PRKCQ: variants seen among roughly 807,000 people sequenced by gnomAD.
The protein encoded by PRKCQ is protein kinase C theta type.
A neutral mutation model predicts 91.2 loss-of-function variants in PRKCQ; 41 were observed. The ratio of observed to expected loss-of-function variants is 0.45; its 90% CI spans 0.35 to 0.58. The LOEUF (loss-of-function observed/expected upper bound fraction) is 0.58, where lower values mean the gene tolerates loss of function less well. Among genes scored for constraint, PRKCQ ranks in the 20% least tolerant of loss-of-function variants. PRKCQ has a pLI of 0.00. For missense variants in PRKCQ, 673 were observed against 896.5 expected (o/e 0.75, Z 3.18); for synonymous variants, 307 against 316.9 (o/e 0.97, Z 0.33).
chr10:6,413,284 C>T, the PRKCQ span, among the ~76,000 whole-genome samples: 2 of 150,150 alleles, frequency 1.3e-5, no homozygotes, highest in African/African-American at 4.9e-5. Flanking sequence ...TTTTCAACCA[C>T]TCTAAAAAAG....
the PRKCQ span, among the ~76,000 whole-genome samples, chr10:6,421,321 C>G: frequency 1.3e-5 from 2 of 152,192 alleles, no homozygotes; most frequent in Admixed American, 1.3e-4. The surrounding 1 kb of genome is among the most constrained non-coding windows in gnomAD (Gnocchi z 4.1). Flanking sequence ...CCTGTCTCTA[C>G]AAAAACTCAA....
At chr10:6,396,045 T>C in the PRKCQ span, among the ~76,000 whole-genome samples, 2 of 152,138 alleles carry the variant, frequency 1.3e-5, no homozygotes, top group South Asian at 4.1e-4. Context: ...TTAGTAGATA[T>C]TAAAACTTCC....
chr10:6,477,080 A>G (rs922463995), intron 12 of PRKCQ, among the ~76,000 whole-genome samples: 4 of 152,114 alleles, frequency 2.6e-5, no homozygotes, highest in African/African-American at 9.7e-5. Flanking sequence ...TAAATAGTTG[A>G]CCAGGACACC....
chr10:6,565,601 C>T (rs931189425), intron 1 of PRKCQ, among the ~76,000 whole-genome samples: 3 of 152,018 alleles, frequency 2.0e-5, no homozygotes, highest in Admixed American at 2.0e-4. Flanking sequence ...AACAAAAAGC[C>T]CTTTCTTCTT....
At position 6,456,712 on chromosome 10, in the gene PRKCQ, T is replaced by G. The variant is rs758601583; in HGVS notation, c.1609A>C (p.Asn537His). 6.2e-7 allele frequency: 1 copy of G among 1,614,180 alleles called. No homozygotes were observed. Among genetic ancestry groups the G allele is most frequent in the Non-Finnish European group, 8.5e-7 (1 of 1,180,016 alleles). ...TAGTCAGGTGTCCCACAGAAGGTAT[T>G]CGTCTTGGCATCTCCTAACATGTTC... The part of the protein sequence containing the change: ...KENMLGDAKT[N>H]TFCGTPDYIA... The change falls in exon 15 of 18, where the codon AAT (asparagine) becomes CAT (histidine). Residue 537 changes from asparagine (N) to histidine (H), a missense_variant. Physicochemically the swap from Asn to His is moderately conservative, Grantham distance 68. Coordinates refer to ENST00000263125, the MANE Select transcript of PRKCQ (RefSeq NM_006257.5).
At position 6,462,327 on chromosome 10, in the gene PRKCQ, A is replaced by G. The variant is rs1403981107; in HGVS notation, c.1484T>C (p.Leu495Pro). 9.3e-6 allele frequency: 15 copies of G among 1,613,874 alleles called. No homozygotes were observed. Among genetic ancestry groups the G allele is most frequent in the Non-Finnish European group, 1.3e-5 (15 of 1,179,914 alleles). Residue 495 changes from leucine (L) to proline (P), a missense_variant, in exon 14 of 18, where the codon CTT (leucine) becomes CCT (proline). Physicochemically the swap from Leu to Pro is moderately conservative, Grantham distance 98 (BLOSUM62 -3). Coordinates refer to ENST00000263125, the MANE Select transcript of PRKCQ (RefSeq NM_006257.5). ...AAEIILGLQF[L>P]HSKGIVYRDL... ...CCTGTAGACTATTCCTTTGGAATGA[A>G]GGAACTGCAGACCAAGAATGATTTC...
intron 1 of PRKCQ, among the ~76,000 whole-genome samples, chr10:6,536,534 A>C (rs563376506): frequency 2.8e-4 from 42 of 152,332 alleles, no homozygotes; most frequent in African/African-American, 9.6e-4. Flanking sequence ...CTGGAAGATA[A>C]AAAATTATTC....
intron 4 of PRKCQ, among the ~76,000 whole-genome samples, chr10:6,502,055 T>C (rs1223427339): frequency 6.6e-6 from 1 of 152,172 alleles, no homozygotes; most frequent in Non-Finnish European, 1.5e-5. Flanking sequence ...ATTCATTGTG[T>C]ACTTCCTGCA....
chr10:6,497,252 CT>C lies in PRKCQ; in HGVS notation c.543-2del. Reference sequence around the variant, plus strand: ...CTGGTAGCCCTGTTTGTTCAGGCCCCTGTAATAAAGCACACGCTGATTTATT... The same window carrying C: ...CTGGTAGCCCTGTTTGTTCAGGCCCCGTAATAAAGCACACGCTGATTTATT... On this transcript the variant is annotated splice_acceptor_variant, in intron 5 of 17. Transcript: ENST00000263125. LOFTEE classifies it high-confidence loss of function. The surrounding 1 kb of genome is among the most constrained non-coding windows in gnomAD (Gnocchi z 4.5). The C allele has an allele frequency of 1.9e-6, 3 of 1,614,126 alleles. No homozygotes were observed. Among genetic ancestry groups the C allele is most frequent in the Non-Finnish European group, 2.5e-6 (3 of 1,180,010 alleles).
intron 11 of PRKCQ, among the ~76,000 whole-genome samples, chr10:6,481,976 C>T (rs185000096): frequency 9.4e-4 from 142 of 151,212 alleles, no homozygotes; most frequent in African/African-American, 2.4e-3. Context: ...ATTATCTCTT[C>T]TTCCTTCTTC....
At chr10:6,397,204 C>A in the PRKCQ span, among the ~76,000 whole-genome samples, 1 of 152,080 alleles carries the variant, frequency 6.6e-6, no homozygotes, top group Non-Finnish European at 1.5e-5. Context: ...TCAAGTGATT[C>A]TCTTGCGTCA....
chr10:6,441,320 T>C (rs1833960620), intron 16 of PRKCQ, among the ~76,000 whole-genome samples: 1 of 152,206 alleles, frequency 6.6e-6, no homozygotes, highest in African/African-American at 2.4e-5. Context: ...TTTTGTATTT[T>C]CAGTAGAGAC....
At chr10:6,474,824 G>A (rs1274098896) in intron 12 of PRKCQ, among the ~76,000 whole-genome samples, 2 of 152,050 alleles carry the variant, frequency 1.3e-5, no homozygotes, top group Admixed American at 6.6e-5. Context: ...TTTTTAAAAT[G>A]TAAGTAATGG....
intron 1 of PRKCQ, among the ~76,000 whole-genome samples, chr10:6,556,108 T>C (rs972505752): frequency 6.6e-6 from 1 of 152,098 alleles, no homozygotes; most frequent in African/African-American, 2.4e-5. Context: ...AACTTATTCC[T>C]TTTTCTTATC....
chr10:6,498,407 G>C lies in PRKCQ; in HGVS notation c.531C>G (p.His177Gln). 6.2e-7 allele frequency: 1 copy of C among 1,614,114 alleles called. No individual in the cohort carries two copies. The highest frequency in any genetic ancestry group is 8.5e-7 in the Non-Finnish European group (1 of 1,180,016). ...FPQPTFCSVCHEFVWGLNKQG... is the reference protein window; with the variant it reads ...FPQPTFCSVCQEFVWGLNKQG... The stretch of plus-strand genomic sequence containing the variant: ...CCAAGTTACTGTACCAGACAAACTC[G>C]TGGCAGACAGAGCAAAATGTGGGCT... Residue 177 changes from histidine (H) to glutamine (Q), a missense_variant, in exon 5 of 18, where the codon CAC (histidine) becomes CAG (glutamine). Coordinates refer to ENST00000263125, the MANE Select transcript of PRKCQ (RefSeq NM_006257.5).
intron 7 of PRKCQ, among the ~76,000 whole-genome samples, chr10:6,494,361 T>C (rs1837477236): frequency 6.6e-6 from 1 of 152,174 alleles, no homozygotes; most frequent in African/African-American, 2.4e-5. Flanking sequence ...GCACTTGCCA[T>C]CCTTGGGGTC....
chr10:6,487,295 A>C (rs79110625), intron 8 of PRKCQ, among the ~76,000 whole-genome samples: 2,595 of 152,340 alleles, frequency 0.017, 81 homozygotes, highest in African/African-American at 0.06. Context: ...AGGTAACTCG[A>C]AGAAAAAGAA....
intron 1 of PRKCQ, among the ~76,000 whole-genome samples, chr10:6,521,773 C>CTA (rs1277977838): frequency 6.6e-6 from 1 of 152,154 alleles, no homozygotes; most frequent in Non-Finnish European, 1.5e-5. Context: ...AGAGCACTTA[C>CTA]TACCCTCTGA....
chr10:6,476,610 GTAT>G (rs1836283474), intron 12 of PRKCQ, among the ~76,000 whole-genome samples: 2 of 152,082 alleles, frequency 1.3e-5, no homozygotes, highest in African/African-American at 2.4e-5. Flanking sequence ...TGGTTATATA[GTAT>G]TATTTTCTCT....
Sources: gnomAD v4.1 joint callset for allele counts (sites outside exome capture counted in the v4.1 genomes callset) on GRCh38, gnomAD v4.1.1 for gene constraint, Gnocchi (gnomAD v3.1) non-coding constraint, MANE v1.5 for transcripts, NCBI Gene and HGNC (gene_info 2026-07-23, HGNC 2026-07-21) for gene names.